Variants in UNC80 observed in about 807,000 individuals in gnomAD.
UNC80 encodes protein unc-80 homolog.
In UNC80, 164 loss-of-function variants were observed where a neutral mutation model predicts 384.6. The observed-to-expected ratio is 0.43, with a 90% CI of 0.38 to 0.49. UNC80 has a LOEUF of 0.49. UNC80 is among the 20% of genes least tolerant of loss of function. The pLI, the probability that UNC80 is intolerant of heterozygous loss-of-function variation, is 0.00. For synonymous variants in UNC80, 1,486 were observed against 1,527.8 expected (o/e 0.97, Z 0.64); for missense variants, 3,330 against 4,143.0 (o/e 0.80, Z 5.39).
At chr2:209,779,892 T>C (rs2077062062) in intron 4 of UNC80, among the ~76,000 whole-genome samples, 1 of 152,174 alleles carries the variant, frequency 6.6e-6, no homozygotes, top group South Asian at 2.1e-4. Flanking sequence ...TAGCTGTGAG[T>C]CTAAGTTTTG....
Position 209,839,379 on chromosome 2 carries a change from C to T in UNC80, c.3199C>T (p.Arg1067Cys), listed in dbSNP as rs1345335772. The change falls in exon 19 of 65, where the codon CGC (arginine) becomes TGC (cysteine). Residue 1067 changes from arginine to cysteine, a missense_variant. Arg to Cys is a radical substitution (Grantham distance 180, BLOSUM62 -3). Coordinates refer to ENST00000673920, the MANE Select transcript of UNC80 (RefSeq NM_001371986.1). This position sits in a 1 kb window ranked among gnomAD's most constrained non-coding sequence, Gnocchi z 4.1. ...HSGTTSDRRA[R>C]SRSRRISLRK... ...AGGGACCACCTCTGACCGACGTGCCCGCTCACGATCCCGCAGAATTTCCCT... is the reference window on the plus strand; with the variant it reads ...AGGGACCACCTCTGACCGACGTGCCTGCTCACGATCCCGCAGAATTTCCCT... 28 of 1,551,990 alleles carry T rather than the reference C, an allele frequency of 1.8e-5. No individual in the cohort carries two copies. In the East Asian group the frequency reaches 2.2e-4, roughly 12 times the overall value.
At position 209,926,968 on chromosome 2, in the gene UNC80, C is replaced by G; in HGVS notation, c.5788C>G (p.Arg1930Gly). Residue 1930 changes from arginine to glycine, a missense_variant, in exon 36 of 65, where the codon CGG becomes GGG. Arg to Gly is a moderately radical substitution (Grantham distance 125). Transcript: ENST00000673920. ...IVHLMEDGEVREDGVAVSAVA... is the reference protein window; with the variant it reads ...IVHLMEDGEVGEDGVAVSAVA... ...TCATCTGATGGAGGATGGTGAGGTG[C>G]GGGAAGATGGAGTAGCAGGTACAGT... 6.4e-7 allele frequency: 1 copy of G among 1,551,816 alleles called. No homozygotes were observed. Among genetic ancestry groups the G allele is most frequent in the Non-Finnish European group, 8.7e-7 (1 of 1,146,980 alleles).
At chr2:209,944,016 G>A (rs1358556814) in intron 45 of UNC80, among the ~76,000 whole-genome samples, 1 of 152,118 alleles carries the variant, frequency 6.6e-6, no homozygotes, top group Non-Finnish European at 1.5e-5. Context: ...GTGGGTCAAA[G>A]TTCTATCTTT....
rs1285976114 is a variant in UNC80 at position 209,943,505 on chromosome 2, G to A, written c.7041G>A (p.Leu2347=). ...LQLFASVAPL[L]EFPDAANNGP... ...TGTTTGCTAGTGTGGCCCCTCTCCT[G>A]GAATTTCCTGTAAGTAAGCTCTGTG... Residue 2347 remains leucine, a synonymous_variant, in exon 45 of 65, where the codon CTG becomes CTA. Transcript: ENST00000673920. 1 of 1,551,448 alleles carries A rather than the reference G, an allele frequency of 6.4e-7. No homozygotes were observed. The highest frequency in any genetic ancestry group is 2.0e-5 in the Admixed American group (1 of 50,956).
intron 7 of UNC80, among the ~76,000 whole-genome samples, chr2:209,803,617 A>T (rs1211550081): frequency 6.6e-6 from 1 of 152,172 alleles, no homozygotes; most frequent in Non-Finnish European, 1.5e-5. Context: ...TATGAGGTTC[A>T]CTCCACATCA....
intron 7 of UNC80, among the ~76,000 whole-genome samples, chr2:209,805,951 A>G (rs916917963): frequency 6.6e-6 from 1 of 152,238 alleles, no homozygotes; most frequent in African/African-American, 2.4e-5. Flanking sequence ...CCATCATTTA[A>G]TATATTAAAA....
intron 44 of UNC80, 123 bp from the exon 45 acceptor site, chr2:209,943,255 CCT>C (rs1157196706): frequency 2.4e-6 from 3 of 1,228,564 alleles, no homozygotes; most frequent in Non-Finnish European, 3.3e-6. Flanking sequence ...ATTTTACATT[CCT>C]CTCTACCAGT....
chr2:209,915,839 C>T (rs147170438), intron 31 of UNC80, among the ~76,000 whole-genome samples: 19 of 152,146 alleles, frequency 1.2e-4, no homozygotes, highest in Middle Eastern at 3.4e-3. Flanking sequence ...TCGTTAATAA[C>T]AAAGTATTGT....
At chr2:209,798,017 T>C (rs2078278391) in intron 7 of UNC80, among the ~76,000 whole-genome samples, 1 of 152,250 alleles carries the variant, frequency 6.6e-6, no homozygotes, top group Non-Finnish European at 1.5e-5. Context: ...GTCTGTTTTT[T>C]TCTTGTAAAT....
intron 7 of UNC80, among the ~76,000 whole-genome samples, chr2:209,810,059 A>G (rs1446667229): frequency 1.3e-5 from 2 of 152,110 alleles, no homozygotes; most frequent in Non-Finnish European, 2.9e-5. Context: ...AGTTTCAGCC[A>G]TGGGGCCTTC....
intron 36 of UNC80, 43 bp from the exon 37 acceptor site, chr2:209,929,828 A>T: frequency 7.3e-7 from 1 of 1,377,964 alleles, no homozygotes; most frequent in East Asian, 2.7e-5. Context: ...CATAGACTTA[A>T]CTCCATTAAA....
chr2:209,955,738 T>TATATATATATATACAC (rs1437539911), intron 48 of UNC80, among the ~76,000 whole-genome samples: 2 of 53,552 alleles, frequency 3.7e-5, no homozygotes, highest in Non-Finnish European at 3.1e-5. Flanking sequence ...TATATATATA[T>TATATATATATATACAC]ACACACACAC....
intron 31 of UNC80, among the ~76,000 whole-genome samples, chr2:209,914,681 G>GTGTGTA (rs770809140): frequency 4.7e-4 from 71 of 149,662 alleles, no homozygotes; most frequent in African/African-American, 1.0e-3. Flanking sequence ...GTGTGTGTGT[G>GTGTGTA]TATATAAATA....
At position 209,818,983 on chromosome 2, in the gene UNC80, A is replaced by AT; in HGVS notation, c.1694-6dup. On this transcript the variant is annotated splice_polypyrimidine_tract_variant and intron_variant, in intron 11 of 64. Coordinates refer to ENST00000673920, the MANE Select transcript of UNC80 (RefSeq NM_001371986.1). The stretch of plus-strand genomic sequence containing the variant: ...TAGGGAGAACTAAGACATTGCTTTC[A>AT]TTTTATTAGTGCGATCTCAGATCTC... 6.5e-7 allele frequency: 1 copy of AT among 1,549,988 alleles called. No individual in the cohort carries two copies.
intron 3 of UNC80, 39 bp downstream of exon 3, chr2:209,776,084 C>A: frequency 6.2e-7 from 1 of 1,611,904 alleles, no homozygotes; most frequent in South Asian, 1.1e-5. Context: ...CATGTGATTG[C>A]CCTTTGTGTT....
intron 22 of UNC80, among the ~76,000 whole-genome samples, chr2:209,868,567 A>C (rs1454264765): frequency 3.9e-5 from 6 of 152,300 alleles, no homozygotes; most frequent in Middle Eastern, 3.4e-3. Flanking sequence ...CCTCACTTTC[A>C]TAAAGGAAGT....
intron 25 of UNC80, among the ~76,000 whole-genome samples, chr2:209,885,921 C>A (rs530987458): frequency 1.3e-5 from 2 of 151,886 alleles, no homozygotes; most frequent in African/African-American, 4.8e-5. Context: ...CCTGCCATCA[C>A]GCCCACCTAA....
Position 209,970,574 on chromosome 2 carries a change from C to G in UNC80, c.8131-258C>G, listed in dbSNP as rs542412881. ...GTGTCCAATCTCCTGATTAGAATAGCTTTTTGGTTCATCTCTCATTATTTA... is the reference window on the plus strand; with the variant it reads ...GTGTCCAATCTCCTGATTAGAATAGGTTTTTGGTTCATCTCTCATTATTTA... On this transcript the variant is annotated intron_variant, in intron 53 of 64. Transcript: ENST00000673920. 5.9e-5 allele frequency among the ~76,000 whole-genome samples: 9 copies of G among 152,288 alleles called. 1 individual carries two copies. The South Asian group carries it at 1.9e-3, about 32-fold the overall frequency.
intron 25 of UNC80, 65 bp from the exon 26 acceptor site, chr2:209,888,030 T>A: frequency 4.0e-6 from 6 of 1,492,490 alleles, no homozygotes; most frequent in Non-Finnish European, 5.4e-6. Flanking sequence ...GTGGGAGGCT[T>A]GCCGCGAGAC....
Sources: allele counts gnomAD v4.1 joint callset (sites outside exome capture counted in the v4.1 genomes callset), GRCh38; gene constraint gnomAD v4.1.1; non-coding constraint Gnocchi (gnomAD v3.1); transcripts MANE v1.5; gene names NCBI Gene and HGNC (gene_info 2026-07-23, HGNC 2026-07-21).